NIPAL2: variants seen among roughly 807,000 people sequenced by gnomAD.
NIPAL2 encodes NIPA like domain containing 2.
Under a neutral mutation model 48.9 loss-of-function variants are expected in NIPAL2, and 43 were observed. The observed-to-expected ratio is 0.88, with a 90% confidence interval of 0.69 to 1.13. The LOEUF is 1.13. NIPAL2 is among the 50% of genes most tolerant of loss of function. NIPAL2 has a pLI of 0.00. For missense variants in NIPAL2, 446 were observed against 461.4 expected (o/e 0.97, Z 0.31); for synonymous variants, 167 against 174.6 (o/e 0.96, Z 0.34).
chr8:98,252,334 C>T lies in NIPAL2; in HGVS notation c.376+129G>A, dbSNP rs959696898. The T allele has an allele frequency of 1.1e-5, 9 of 840,734 alleles. No homozygotes were observed. The African/African-American group carries it at 1.6e-4, about 15-fold the overall frequency. 52.1% of individuals were successfully genotyped at this position (840,734 alleles called of 1,614,324 possible). A position where few individuals can be genotyped will look rare whatever the true frequency, so the allele number is the denominator to read the frequency against. On this transcript the variant is annotated intron_variant, in intron 3 of 10. Coordinates refer to ENST00000430223, the MANE Select transcript of NIPAL2 (RefSeq NM_001321635.2). The stretch of plus-strand genomic sequence containing the variant: ...CGCTGAAATTAGCAGAATAATTGTT[C>T]CATGTTAACGTGATAAGAAACCAGG...
At position 98,244,246 on chromosome 8, in the gene NIPAL2, A is replaced by T. The variant is rs1183897451; in HGVS notation, c.377-8032T>A. Among the ~76,000 whole-genome samples the T allele has an allele frequency of 5.0e-5, 7 of 139,034 alleles. No individual in the cohort carries two copies. In the East Asian group the frequency reaches 1.5e-3, roughly 30 times the overall value. 91.2% of individuals were successfully genotyped at this position (139,034 alleles called of 152,430 possible). ...GGTGTGGGCCACAGTAATAAGGGGG[A>T]TGGGCTCTGGTGATGAAGACGGTGG... is the stretch of plus-strand genomic sequence containing the variant. On this transcript the variant is annotated intron_variant, in intron 3 of 10. Transcript: ENST00000430223.
At chr8:98,202,147 T>C (rs572735602) in intron 8 of NIPAL2, among the ~76,000 whole-genome samples, 1 of 152,360 alleles carries the variant, frequency 6.6e-6, no homozygotes, top group African/African-American at 2.4e-5. Context: ...AAATGGTCCA[T>C]ACTAATAAAA....
chr8:98,287,447 T>A (rs1340218318), intron 1 of NIPAL2, among the ~76,000 whole-genome samples: 1 of 152,206 alleles, frequency 6.6e-6, no homozygotes, highest in African/African-American at 2.4e-5. Context: ...AGGAAGGCAC[T>A]AGATGCAGAG....
At chr8:98,213,984 A>G (rs770092228) in intron 5 of NIPAL2, among the ~76,000 whole-genome samples, 1 of 152,166 alleles carries the variant, frequency 6.6e-6, no homozygotes, top group Admixed American at 6.5e-5. Flanking sequence ...CGGTCACTCA[A>G]TGAGTACTGA....
At chr8:98,260,749 G>T (rs190508445) in intron 1 of NIPAL2, among the ~76,000 whole-genome samples, 1 of 152,106 alleles carries the variant, frequency 6.6e-6, no homozygotes. Context: ...CAAAGCAGCC[G>T]GGAAGCTCCA....
At chr8:98,230,655 T>C (rs989381562) in intron 4 of NIPAL2, among the ~76,000 whole-genome samples, 5 of 152,200 alleles carry the variant, frequency 3.3e-5, no homozygotes, top group African/African-American at 9.7e-5. Flanking sequence ...ATGCCTTTGT[T>C]TCAGGAGGCT....
chr8:98,269,704 T>C (rs1815008458), intron 1 of NIPAL2, among the ~76,000 whole-genome samples: 1 of 152,146 alleles, frequency 6.6e-6, no homozygotes, highest in Non-Finnish European at 1.5e-5. Flanking sequence ...CCATTTTTCT[T>C]TTAGATTCAG....
chr8:98,280,467 T>C (rs780219929), intron 1 of NIPAL2, among the ~76,000 whole-genome samples: 42 of 152,026 alleles, frequency 2.8e-4, no homozygotes, highest in Admixed American at 1.3e-4. Flanking sequence ...TTAGGTCAAC[T>C]AATTACTGCA....
chr8:98,225,852 T>C (rs1403351146), intron 4 of NIPAL2, among the ~76,000 whole-genome samples: 1 of 152,128 alleles, frequency 6.6e-6, no homozygotes, highest in Non-Finnish European at 1.5e-5. Flanking sequence ...ACTCTTAGAT[T>C]TGTTCTTTTG....
chr8:98,248,772 C>G (rs1448374582), intron 3 of NIPAL2, among the ~76,000 whole-genome samples: 5 of 152,180 alleles, frequency 3.3e-5, no homozygotes, highest in Non-Finnish European at 5.9e-5. Context: ...GTAAAACTAG[C>G]ATTTTAGTCA....
intron 7 of NIPAL2, 32 bp from the exon 8 acceptor site, chr8:98,203,228 CTTTAGGAGACA>C (rs139946988): frequency 0.051 from 74,300 of 1,465,594 alleles, 2,415 homozygotes; most frequent in South Asian, 0.11. Flanking sequence ...GGAGCTTTGG[CTTTAGGAGACA>C]TTCAGCAATA....
At chr8:98,214,284 C>G (rs562613994) in intron 5 of NIPAL2, among the ~76,000 whole-genome samples, 1 of 151,960 alleles carries the variant, frequency 6.6e-6, no homozygotes, top group South Asian at 2.1e-4. Context: ...TTGCCTCAAA[C>G]TTCCAAGTAG....
At chr8:98,260,650 T>C (rs561596859) in intron 1 of NIPAL2, among the ~76,000 whole-genome samples, 1,818 of 152,198 alleles carry the variant, frequency 0.012, 17 homozygotes, top group South Asian at 0.047. Context: ...TCTCGCTGAT[T>C]GCTAGCACAG....
chr8:98,267,309 A>G (rs1814831689), intron 1 of NIPAL2, among the ~76,000 whole-genome samples: 1 of 151,586 alleles, frequency 6.6e-6, no homozygotes, highest in Non-Finnish European at 1.5e-5. Flanking sequence ...GTACAACTAG[A>G]GGGGATATTC....
intron 4 of NIPAL2, among the ~76,000 whole-genome samples, chr8:98,233,387 C>T (rs1480066703): frequency 6.6e-6 from 1 of 150,738 alleles, no homozygotes; most frequent in African/African-American, 2.4e-5. Flanking sequence ...CCTTATATTA[C>T]ATTTTTAGTA....
chr8:98,263,560 T>A (rs1034577457), intron 1 of NIPAL2, among the ~76,000 whole-genome samples: 2 of 148,634 alleles, frequency 1.3e-5, no homozygotes, highest in African/African-American at 2.5e-5. Context: ...ACACATACAC[T>A]CTCCCAAGAC....
chr8:98,282,699 A>G (rs539896694), intron 1 of NIPAL2, among the ~76,000 whole-genome samples: 1 of 152,224 alleles, frequency 6.6e-6, no homozygotes, highest in African/African-American at 2.4e-5. Flanking sequence ...AGAAAAAAGA[A>G]ACAATATTCA....
intron 1 of NIPAL2, among the ~76,000 whole-genome samples, chr8:98,280,734 TAC>T (rs1279959572): frequency 3.5e-5 from 1 of 28,644 alleles, no homozygotes; most frequent in Non-Finnish European, 8.0e-5. Flanking sequence ...AATAGTCCAT[TAC>T]TATATATATA....
intron 7 of NIPAL2, among the ~76,000 whole-genome samples, 181 bp from the exon 8 acceptor site, chr8:98,203,377 C>T (rs1350899490): frequency 6.6e-6 from 1 of 152,160 alleles, no homozygotes; most frequent in East Asian, 1.9e-4. Context: ...GATCAGATGT[C>T]AGGTTCTATG....
Sources: allele counts gnomAD v4.1 joint callset (sites outside exome capture counted in the v4.1 genomes callset), GRCh38; gene constraint gnomAD v4.1.1; transcripts MANE v1.5; gene names NCBI Gene and HGNC (gene_info 2026-07-23, HGNC 2026-07-21).